CDKAL1: variants seen among roughly 807,000 people sequenced by gnomAD.
The protein encoded by CDKAL1 is threonylcarbamoyladenosine tRNA methylthiotransferase.
In CDKAL1, 32 loss-of-function variants were observed where a neutral mutation model predicts 68.2. That is an observed-to-expected ratio of 0.47 (90% CI 0.35 to 0.63). CDKAL1 has a LOEUF of 0.63. Ranked by LOEUF, CDKAL1 falls within the 30% of genes least tolerant of loss-of-function variation. The probability of loss-of-function intolerance (pLI) is 0.00; values close to 1 mark genes in which losing one functional copy is unlikely to be tolerated. For missense variants in CDKAL1, 606 were observed against 696.7 expected, an observed-to-expected ratio of 0.87 and a Z score of 1.47; for synonymous variants, 234 against 244.3, an observed-to-expected ratio of 0.96 and a Z score of 0.39.
chr6:20,767,075 A>G (rs1300824375), intron 7 of CDKAL1, among the ~76,000 whole-genome samples: 1 of 152,154 alleles, frequency 6.6e-6, no homozygotes, highest in Non-Finnish European at 1.5e-5. Flanking sequence ...GAGAATTGGC[A>G]GTTGCTACAC....
intron 6 of CDKAL1, among the ~76,000 whole-genome samples, chr6:20,739,961 A>G (rs1455549077): frequency 3.3e-5 from 5 of 152,088 alleles, no homozygotes; most frequent in African/African-American, 1.2e-4. Context: ...TTCGCCCCCT[A>G]GTACATCAAT....
chr6:20,685,874 C>T lies in CDKAL1; in HGVS notation c.371+36497C>T, dbSNP rs534217664. Among the ~76,000 whole-genome samples, 10 of 152,166 alleles carry T rather than the reference C, an allele frequency of 6.6e-5. No individual in the cohort carries two copies. The South Asian group carries it at 1.9e-3, about 28-fold the overall frequency. On this transcript the variant is annotated intron_variant, in intron 5 of 15. Transcript: ENST00000274695. ...AAAGTTCTAGGATTACAGGCATGAGCCATCAAGCCTGGCTCTTGTAGTTTA... is the reference window on the plus strand; with the variant it reads ...AAAGTTCTAGGATTACAGGCATGAGTCATCAAGCCTGGCTCTTGTAGTTTA...
At chr6:21,206,276 A>G (rs1412010354) in intron 15 of CDKAL1, among the ~76,000 whole-genome samples, 1 of 152,186 alleles carries the variant, frequency 6.6e-6, no homozygotes, top group Non-Finnish European at 1.5e-5. Context: ...TAAGTAAGAG[A>G]GAGAGGGAAA....
intron 13 of CDKAL1, among the ~76,000 whole-genome samples, chr6:21,133,336 AG>A (rs1446729015): frequency 6.6e-6 from 1 of 152,142 alleles, no homozygotes; most frequent in Non-Finnish European, 1.5e-5. Flanking sequence ...TTTTAATCTT[AG>A]GGACAGGCTG....
In CDKAL1 at chr6:20,617,317, G is replaced by A. The variant is rs118045842; in HGVS notation, c.287-31976G>A. Among the ~76,000 whole-genome samples, 24 of 152,250 alleles carry A rather than the reference G, an allele frequency of 1.6e-4. No individual in the cohort carries two copies. The East Asian group carries it at 4.6e-3, about 29-fold the overall frequency. ...CACTTAATGAGCAGTCTGTGTGTAG[G>A]CCCTATGAATAATAAAATTGTGATC... On this transcript the variant is annotated intron_variant, in intron 4 of 15. Transcript: ENST00000274695.
intron 9 of CDKAL1, among the ~76,000 whole-genome samples, chr6:20,878,157 C>T (rs1052858551): frequency 6.6e-6 from 1 of 152,016 alleles, no homozygotes; most frequent in Admixed American, 6.5e-5. Context: ...TATGTCTTGT[C>T]GCCCCTACTA....
intron 4 of CDKAL1, chr6:20,558,806 G>C (rs541918309): frequency 1.4e-4 from 49 of 343,920 alleles, no homozygotes; most frequent in Non-Finnish European, 2.5e-4. Flanking sequence ...AAGAAAAGTC[G>C]ACATAAGAGA....
intron 4 of CDKAL1, among the ~76,000 whole-genome samples, chr6:20,583,791 C>CCG (rs1554156915): frequency 2.0e-5 from 3 of 150,308 alleles, no homozygotes; most frequent in Non-Finnish European, 3.0e-5. Context: ...AGCGCCCCCC[C>CCG]CCACTAGTTT....
At chr6:21,036,752 A>G (rs1432086224) in intron 11 of CDKAL1, among the ~76,000 whole-genome samples, 1 of 152,188 alleles carries the variant, frequency 6.6e-6, no homozygotes, top group Non-Finnish European at 1.5e-5. Context: ...CAAACTATTC[A>G]TGAAGGCTAA....
At chr6:20,692,085 A>G (rs1302078470) in intron 5 of CDKAL1, among the ~76,000 whole-genome samples, 4 of 152,174 alleles carry the variant, frequency 2.6e-5, no homozygotes, top group African/African-American at 9.7e-5. Context: ...CTTACCCTGA[A>G]TACTAAGACA....
intron 10 of CDKAL1, among the ~76,000 whole-genome samples, chr6:20,985,368 A>C (rs1766399291): frequency 1.3e-5 from 2 of 152,120 alleles, no homozygotes; most frequent in Admixed American, 6.5e-5. Flanking sequence ...ATCTCGGCTC[A>C]CTGCAACCTC....
At chr6:20,946,375 A>T (rs945122573) in intron 9 of CDKAL1, among the ~76,000 whole-genome samples, 1 of 152,160 alleles carries the variant, frequency 6.6e-6, no homozygotes, top group Non-Finnish European at 1.5e-5. Context: ...ACCTTGATTC[A>T]TTCAGGTTTT....
intron 8 of CDKAL1, among the ~76,000 whole-genome samples, chr6:20,809,219 C>T (rs1311482822): frequency 2.0e-5 from 3 of 152,176 alleles, no homozygotes; most frequent in Non-Finnish European, 4.4e-5. Context: ...CTACAGCTCC[C>T]AACCCCAGTC....
At position 20,870,593 on chromosome 6, in the gene CDKAL1, G is replaced by A. The variant is rs865800820; in HGVS notation, c.742+24415G>A. Among the ~76,000 whole-genome samples the A allele has an allele frequency of 3.3e-5, 5 of 152,168 alleles. No individual in the cohort carries two copies. In the South Asian group the frequency reaches 1.0e-3, roughly 32 times the overall value. ...TTGTTTTCAAAGCATTAAAATATCA[G>A]CATTTTTTTCCCCTCATACATTCAG... is the stretch of plus-strand genomic sequence containing the variant. On this transcript the variant is annotated intron_variant, in intron 9 of 15. Coordinates refer to ENST00000274695, the MANE Select transcript of CDKAL1 (RefSeq NM_017774.3).
At chr6:20,719,754 G>A (rs1352674394) in intron 5 of CDKAL1, among the ~76,000 whole-genome samples, 1 of 152,116 alleles carries the variant, frequency 6.6e-6, no homozygotes, top group Non-Finnish European at 1.5e-5. Flanking sequence ...AACATTGCCA[G>A]CCACTCTGGA....
chr6:20,823,791 C>G (rs1348858733), intron 8 of CDKAL1, among the ~76,000 whole-genome samples: 1 of 152,170 alleles, frequency 6.6e-6, no homozygotes, highest in East Asian at 1.9e-4. Flanking sequence ...ACATTTTCAG[C>G]GATTGAGAAT....
chr6:20,566,335 A>G (rs1764459433), intron 4 of CDKAL1, among the ~76,000 whole-genome samples: 1 of 152,108 alleles, frequency 6.6e-6, no homozygotes, highest in African/African-American at 2.4e-5. Context: ...TTAATATGTT[A>G]TAGCTTTTTA....
chr6:20,966,928 T>C (rs1483717990), intron 10 of CDKAL1, among the ~76,000 whole-genome samples: 1 of 152,190 alleles, frequency 6.6e-6, no homozygotes, highest in African/African-American at 2.4e-5. Context: ...TATTCTTCCA[T>C]TATTGCGTTT....
chr6:21,201,350 T>C (rs1778684499), intron 15 of CDKAL1, 76 bp downstream of exon 15: 5 of 1,313,422 alleles, frequency 3.8e-6, no homozygotes, highest in Non-Finnish European at 5.3e-6. Context: ...CCAGGCCATG[T>C]TTCTGTTATC....
Sources: allele counts gnomAD v4.1 joint callset (sites outside exome capture counted in the v4.1 genomes callset), GRCh38; gene constraint gnomAD v4.1.1; transcripts MANE v1.5; gene names NCBI Gene and HGNC (gene_info 2026-07-23, HGNC 2026-07-21).